FBXL17: variants seen among roughly 807,000 people sequenced by gnomAD.
FBXL17 encodes F-box/LRR-repeat protein 17.
In FBXL17, 22 loss-of-function variants were observed where a neutral mutation model predicts 66.2. The observed-to-expected ratio is 0.33, with a 90% CI of 0.24 to 0.47. The LOEUF (loss-of-function observed/expected upper bound fraction) is 0.47. Among genes scored for constraint, FBXL17 ranks in the 20% least tolerant of loss-of-function variants. FBXL17 has a pLI of 1.00. For synonymous variants in FBXL17, 474 were observed against 400.5 expected, an observed-to-expected ratio of 1.18 and a Z score of -2.19; for missense variants, 878 against 948.2, an observed-to-expected ratio of 0.93 and a Z score of 0.97.
chr5:107,875,434 G>T (rs1479099417), intron 8 of FBXL17, among the ~76,000 whole-genome samples: 2 of 152,178 alleles, frequency 1.3e-5, no homozygotes, highest in Non-Finnish European at 2.9e-5. Flanking sequence ...TATTTAGGTT[G>T]TTGAGGCTTT....
At chr5:107,943,946 T>C (rs1751199117) in intron 7 of FBXL17, among the ~76,000 whole-genome samples, 1 of 152,240 alleles carries the variant, frequency 6.6e-6, no homozygotes, top group African/African-American at 2.4e-5. Context: ...GCAGCACTTC[T>C]GGCCACACTA....
intron 4 of FBXL17, among the ~76,000 whole-genome samples, chr5:108,230,826 A>C (rs1310353496): frequency 1.3e-5 from 2 of 152,002 alleles, no homozygotes; most frequent in African/African-American, 4.8e-5. Context: ...ATAAAAGACT[A>C]CAAATAGGGT....
chr5:108,212,553 C>T (rs1318022572), intron 5 of FBXL17, among the ~76,000 whole-genome samples: 1 of 152,178 alleles, frequency 6.6e-6, no homozygotes, highest in African/African-American at 2.4e-5. Context: ...CTTAGTTTTC[C>T]TTCTGACAGT....
chr5:108,169,334 T>G lies in FBXL17; in HGVS notation c.1745+16783A>C, dbSNP rs528270066. Among the ~76,000 whole-genome samples the G allele has an allele frequency of 1.4e-3, 217 of 152,328 alleles. 1 individual carries two copies. Among genetic ancestry groups the G allele is most frequent in the Non-Finnish European group, 2.3e-3 (155 of 68,026 alleles). On this transcript the variant is annotated intron_variant, in intron 6 of 8. Coordinates refer to ENST00000542267, the MANE Select transcript of FBXL17 (RefSeq NM_001163315.3). ...CATAACATCCAAAATATTAACTCTATGTAAGTAATATCTATTTCCTCAAAG... is the reference window on the plus strand; with the variant it reads ...CATAACATCCAAAATATTAACTCTAGGTAAGTAATATCTATTTCCTCAAAG...
chr5:108,250,720 A>G (rs1043740670), intron 4 of FBXL17, among the ~76,000 whole-genome samples: 5 of 152,256 alleles, frequency 3.3e-5, no homozygotes, highest in Admixed American at 1.3e-4. Flanking sequence ...TTTCTCTTAC[A>G]TTCTCCAAAG....
intron 4 of FBXL17, among the ~76,000 whole-genome samples, chr5:108,268,700 T>C (rs1047216589): frequency 2.6e-5 from 4 of 152,152 alleles, no homozygotes; most frequent in African/African-American, 7.2e-5. Flanking sequence ...GAGGTTGATA[T>C]CAGTTACTAC....
chr5:108,218,564 C>G (rs1257933321), intron 5 of FBXL17, among the ~76,000 whole-genome samples: 1 of 152,250 alleles, frequency 6.6e-6, no homozygotes, highest in East Asian at 1.9e-4. Context: ...AAGAGCTCCC[C>G]TTTTCCTACA....
chr5:108,184,093 GTTTTA>G (rs1184655620), intron 6 of FBXL17, among the ~76,000 whole-genome samples: 2 of 152,054 alleles, frequency 1.3e-5, no homozygotes, highest in African/African-American at 4.8e-5. Context: ...AGTCTACATG[GTTTTA>G]TTTTAAGGTA....
intron 4 of FBXL17, among the ~76,000 whole-genome samples, chr5:108,233,582 T>G (rs1755465881): frequency 6.6e-6 from 1 of 152,182 alleles, no homozygotes; most frequent in Non-Finnish European, 1.5e-5. Context: ...AAGAGAAAGA[T>G]AACCCTCAGA....
At chr5:108,250,879 AT>A (rs1756319607) in intron 4 of FBXL17, among the ~76,000 whole-genome samples, 1 of 152,030 alleles carries the variant, frequency 6.6e-6, no homozygotes, top group Admixed American at 6.6e-5. Flanking sequence ...TACTTAAAAT[AT>A]CTTGGGGAAC....
At chr5:108,334,752 A>G (rs1760296232) in intron 4 of FBXL17, among the ~76,000 whole-genome samples, 2 of 152,372 alleles carry the variant, frequency 1.3e-5, no homozygotes, top group South Asian at 2.1e-4. Flanking sequence ...GAGAAAACAA[A>G]GGACACAATA....
intron 7 of FBXL17, among the ~76,000 whole-genome samples, chr5:107,943,567 A>G (rs1751186431): frequency 7.0e-6 from 1 of 142,896 alleles, no homozygotes; most frequent in South Asian, 2.2e-4. Context: ...TTTTTCACCC[A>G]ATCTACTGCA....
chr5:108,136,414 T>C (rs772858420), intron 6 of FBXL17, among the ~76,000 whole-genome samples: 1 of 152,170 alleles, frequency 6.6e-6, no homozygotes, highest in African/African-American at 2.4e-5. Flanking sequence ...GTTTCTGTAA[T>C]ACATTTCTGG....
At chr5:108,098,646 G>A (rs1042356478) in intron 6 of FBXL17, among the ~76,000 whole-genome samples, 1 of 151,292 alleles carries the variant, frequency 6.6e-6, no homozygotes, top group Non-Finnish European at 1.5e-5. Context: ...TCGGGAGGCT[G>A]AGGCAGGAAA....
At chr5:108,302,118 T>C (rs1580776122) in intron 4 of FBXL17, 1 of 616,710 alleles carries the variant, frequency 1.6e-6, no homozygotes. Context: ...AAGGCTACTT[T>C]TTCTGAAAAT....
intron 6 of FBXL17, among the ~76,000 whole-genome samples, chr5:108,052,603 C>T (rs1747528064): frequency 6.6e-6 from 1 of 152,156 alleles, no homozygotes; most frequent in Admixed American, 6.5e-5. Context: ...GAATCAATAT[C>T]ATGAAGTGGC....
chr5:108,283,618 C>G (rs374967648), intron 4 of FBXL17, among the ~76,000 whole-genome samples: 1 of 151,726 alleles, frequency 6.6e-6, no homozygotes, highest in African/African-American at 2.4e-5. Flanking sequence ...GGACATTGAT[C>G]TAGGCAAAGA....
At chr5:108,103,357 TAAC>T (rs1749672321) in intron 6 of FBXL17, among the ~76,000 whole-genome samples, 1 of 152,358 alleles carries the variant, frequency 6.6e-6, no homozygotes, top group South Asian at 2.1e-4. Flanking sequence ...TAAAGAACTT[TAAC>T]ATTCAAATAG....
In FBXL17 at chr5:108,223,672, ACT is replaced by A. The variant is rs1026873040; in HGVS notation, c.1614+447_1614+448del. Reference sequence around the variant, plus strand: ...TTTCATATAATTGTTATATTATTGAACTCTCTGAGCCACAATGTAAATTTTTG... The same window carrying A: ...TTTCATATAATTGTTATATTATTGAACTCTGAGCCACAATGTAAATTTTTG... On this transcript the variant is annotated intron_variant, in intron 5 of 8. Coordinates refer to ENST00000542267, the MANE Select transcript of FBXL17 (RefSeq NM_001163315.3). Among the ~76,000 whole-genome samples the A allele has an allele frequency of 3.3e-5, 5 of 151,808 alleles. No individual in the cohort carries two copies. In the East Asian group the frequency reaches 7.8e-4, roughly 24 times the overall value.
Sources: allele counts gnomAD v4.1 joint callset (sites outside exome capture counted in the v4.1 genomes callset), GRCh38; gene constraint gnomAD v4.1.1; transcripts MANE v1.5; gene names NCBI Gene and HGNC (gene_info 2026-07-23, HGNC 2026-07-21).